The following RAD51B variants were observed in gnomAD, a reference collection of about 807,000 sequenced individuals.
RAD51B encodes RAD51 paralog B.
Under a neutral mutation model 42.2 loss-of-function variants are expected in RAD51B, and 38 were observed. That is an observed-to-expected ratio of 0.90 (90% confidence interval 0.70 to 1.18). The LOEUF (loss-of-function observed/expected upper bound fraction) is 1.18, where lower values mean the gene tolerates loss of function less well. RAD51B is among the 50% of genes most tolerant of loss of function. The pLI is 0.00. For synonymous variants in RAD51B, 154 were observed against 145.2 expected, an observed-to-expected ratio of 1.06 and a Z score of -0.43; for missense variants, 373 against 400.7, an observed-to-expected ratio of 0.93 and a Z score of 0.59.
intron 7 of RAD51B, among the ~76,000 whole-genome samples, chr14:68,068,802 C>T (rs1416409189): frequency 1.3e-5 from 2 of 152,136 alleles, no homozygotes; most frequent in African/African-American, 4.8e-5. Flanking sequence ...TCCATGGTTA[C>T]ATGACTTGGT....
chr14:68,592,516 A>G (rs2257021), intron 10 of RAD51B, among the ~76,000 whole-genome samples: 5,975 of 152,280 alleles, frequency 0.039, 420 homozygotes, highest in African/African-American at 0.13. Context: ...TTTTCAAATG[A>G]GAAAGCGAGC....
chr14:68,014,650 G>A (rs1179148682), intron 7 of RAD51B, among the ~76,000 whole-genome samples: 2 of 151,620 alleles, frequency 1.3e-5, no homozygotes, highest in African/African-American at 4.9e-5. Flanking sequence ...GTCAAAACTT[G>A]CCAAATTTGA....
intron 10 of RAD51B, among the ~76,000 whole-genome samples, chr14:68,485,308 TCTTA>T (rs1883537948): frequency 1.3e-5 from 2 of 152,140 alleles, no homozygotes; most frequent in South Asian, 4.1e-4. Flanking sequence ...GACTCCAGGA[TCTTA>T]CTTCTCACCC....
At chr14:68,123,443 T>C (rs546914548) in intron 7 of RAD51B, among the ~76,000 whole-genome samples, 1 of 152,252 alleles carries the variant, frequency 6.6e-6, no homozygotes, top group African/African-American at 2.4e-5. Context: ...CTTCCCACCT[T>C]GGCCTCCCAA....
intron 7 of RAD51B, among the ~76,000 whole-genome samples, chr14:67,937,130 A>G (rs2044983604): frequency 6.6e-6 from 1 of 152,198 alleles, no homozygotes; most frequent in Admixed American, 6.5e-5. Flanking sequence ...AAGGATTTGC[A>G]GTAGGGTGCC....
chr14:68,265,156 C>G (rs1033372823), intron 7 of RAD51B, among the ~76,000 whole-genome samples: 4 of 152,158 alleles, frequency 2.6e-5, no homozygotes, highest in Admixed American at 2.6e-4. Context: ...TATCAACTTA[C>G]GATAAACATT....
At chr14:68,008,916 T>A (rs755355917) in intron 7 of RAD51B, among the ~76,000 whole-genome samples, 8 of 152,012 alleles carry the variant, frequency 5.3e-5, no homozygotes, top group Non-Finnish European at 5.9e-5. Context: ...GCCAAGGCCG[T>A]GTAAATAGTT....
exon 11 of RAD51B, chr14:68,611,278 A>T (rs763194203): frequency 2.3e-5 from 16 of 701,938 alleles, no homozygotes; most frequent in African/African-American, 7.0e-5. Flanking sequence ...CGACTTCCAG[A>T]TCTACATTTA....
intron 5 of RAD51B, among the ~76,000 whole-genome samples, chr14:67,884,243 C>T (rs1213196135): frequency 6.6e-6 from 1 of 152,154 alleles, no homozygotes; most frequent in African/African-American, 2.4e-5. Flanking sequence ...CATTGACCAC[C>T]ATTCCTTTTG....
At chr14:68,261,597 G>A (rs577392574) in intron 7 of RAD51B, among the ~76,000 whole-genome samples, 17 of 152,222 alleles carry the variant, frequency 1.1e-4, no homozygotes, top group Admixed American at 6.5e-4. Flanking sequence ...AGTGTGCAGC[G>A]TTGCAACTAC....
chr14:68,597,447 G>C (rs1376807403), downstream of RAD51B, among the ~76,000 whole-genome samples: 1 of 152,172 alleles, frequency 6.6e-6, no homozygotes, highest in Non-Finnish European at 1.5e-5. Context: ...ATACACTATG[G>C]AATACTATGC....
chr14:68,269,867 A>G (rs2081070724), intron 7 of RAD51B, among the ~76,000 whole-genome samples: 1 of 152,144 alleles, frequency 6.6e-6, no homozygotes, highest in Admixed American at 6.5e-5. Context: ...CGGAATCTGT[A>G]CCATGAAAAG....
chr14:67,860,489 A>C (rs2042129451), intron 4 of RAD51B, among the ~76,000 whole-genome samples: 1 of 152,188 alleles, frequency 6.6e-6, no homozygotes, highest in Non-Finnish European at 1.5e-5. Flanking sequence ...AAGTTTATGA[A>C]ATGGTAGACT....
intron 7 of RAD51B, among the ~76,000 whole-genome samples, chr14:68,282,754 A>C (rs184791841): frequency 7.1e-4 from 108 of 152,284 alleles, no homozygotes; most frequent in African/African-American, 2.4e-3. Flanking sequence ...TTCACTCTGG[A>C]GATAGAATTG....
intron 7 of RAD51B, among the ~76,000 whole-genome samples, chr14:68,067,931 CAAAAAAAAAAAAAAAAA>C (rs913150528): frequency 4.1e-5 from 1 of 24,690 alleles, no homozygotes; most frequent in Admixed American, 5.9e-4. Flanking sequence ...GACTCCATCT[CAAAAAAAAAAAAAAAAA>C]AAAAAAAAAA....
At chr14:68,548,038 C>T (rs1043229929) in intron 10 of RAD51B, among the ~76,000 whole-genome samples, 2 of 152,198 alleles carry the variant, frequency 1.3e-5, no homozygotes. Context: ...GTCTTGGAGG[C>T]CTCAGTGGGT....
chr14:68,636,559 G>A (rs1892344090), intron 10 of RAD51B, among the ~76,000 whole-genome samples: 2 of 140,030 alleles, frequency 1.4e-5, no homozygotes, highest in South Asian at 2.3e-4. Context: ...CTCCAGCCTG[G>A]GCAACAGAGT....
intron 7 of RAD51B, among the ~76,000 whole-genome samples, chr14:67,902,313 A>G (rs550544024): frequency 6.6e-6 from 1 of 152,226 alleles, no homozygotes; most frequent in South Asian, 2.1e-4. Context: ...ATAGGGATGT[A>G]TATTTATCTA....
At chr14:67,851,289 G>A (rs930328942) in intron 4 of RAD51B, among the ~76,000 whole-genome samples, 5 of 152,128 alleles carry the variant, frequency 3.3e-5, no homozygotes, top group Non-Finnish European at 7.4e-5. Flanking sequence ...GGAGCCTCAG[G>A]TCCTGGCTGT....
Sources: gnomAD v4.1 joint callset for allele counts (sites outside exome capture counted in the v4.1 genomes callset) on GRCh38, gnomAD v4.1.1 for gene constraint, MANE v1.5 for transcripts, NCBI Gene and HGNC (gene_info 2026-07-23, HGNC 2026-07-21) for gene names.